DNAH9: variants seen among roughly 807,000 people sequenced by gnomAD.
DNAH9 encodes DNAH9 variant protein.
Under a neutral mutation model 471.6 loss-of-function variants are expected in DNAH9, and 345 were observed. The observed-to-expected ratio is 0.73, with a 90% confidence interval of 0.67 to 0.80. The LOEUF (loss-of-function observed/expected upper bound fraction) is 0.80, where lower values mean the gene tolerates loss of function less well. Among genes scored for constraint, DNAH9 ranks in the 30% least tolerant of loss-of-function variants. The pLI is 0.00. For missense variants in DNAH9, 5,407 were observed against 5,609.2 expected (o/e 0.96, Z 1.15); for synonymous variants, 2,093 against 2,123.6 (o/e 0.99, Z 0.40).
chr17:11,763,745 A>G (rs1261986513), intron 36 of DNAH9, 131 bp downstream of exon 36: 3 of 860,228 alleles, frequency 3.5e-6, no homozygotes, highest in Admixed American at 2.3e-5. Flanking sequence ...CTATTTAGTC[A>G]TCTACCTATT....
At chr17:11,844,475 G>C (rs1270289438) in intron 49 of DNAH9, among the ~76,000 whole-genome samples, 1 of 151,952 alleles carries the variant, frequency 6.6e-6, no homozygotes, top group African/African-American at 2.4e-5. Context: ...GAGCGATCTC[G>C]GCTCACTGCA....
Position 11,929,901 on chromosome 17 carries a change from GGA to G in DNAH9, c.11916_11917del (p.Lys3973GlufsTer7). The G allele has an allele frequency of 6.2e-7, 1 of 1,613,976 alleles. No individual in the cohort carries two copies. Among genetic ancestry groups the G allele is most frequent in the Non-Finnish European group, 8.5e-7 (1 of 1,179,960 alleles). ...HLVAKWLSTL[E>X]KKLEEHSENS... ...TGGTGGCCAAGTGGCTCAGCACCCTGGAGAAGAAGCTGGAGGAGCACAGTGAG... is the reference window on the plus strand; with the variant it reads ...TGGTGGCCAAGTGGCTCAGCACCCTGGAAGAAGCTGGAGGAGCACAGTGAG... On this transcript the variant is annotated frameshift_variant, in exon 63 of 69. Coordinates refer to ENST00000262442, the MANE Select transcript of DNAH9 (RefSeq NM_001372.4). LOFTEE classifies it high-confidence loss of function.
chr17:11,718,560 G>C (rs1394070075), intron 26 of DNAH9, among the ~76,000 whole-genome samples: 1 of 152,208 alleles, frequency 6.6e-6, no homozygotes, highest in Non-Finnish European at 1.5e-5. Context: ...TAAGCTTAAA[G>C]CTGAGTTTAT....
At position 11,656,987 on chromosome 17, in the gene DNAH9, G is replaced by T. The variant is rs368570332; in HGVS notation, c.2595+3985G>T. On this transcript the variant is annotated intron_variant, in intron 14 of 68. Transcript: ENST00000262442. ...AACAGAATTCATCCAGTCCCCTGATGATGGTCTTTGAGTTATTTCTAGTTT... is the reference window on the plus strand; with the variant it reads ...AACAGAATTCATCCAGTCCCCTGATTATGGTCTTTGAGTTATTTCTAGTTT... Among the ~76,000 whole-genome samples the T allele has an allele frequency of 7.2e-4, 110 of 152,142 alleles. No individual in the cohort carries two copies. In the South Asian group the frequency reaches 0.022, roughly 30 times the overall value.
chr17:11,714,317 G>T (rs1362020262), intron 26 of DNAH9, among the ~76,000 whole-genome samples: 1 of 151,980 alleles, frequency 6.6e-6, no homozygotes, highest in Non-Finnish European at 1.5e-5. Context: ...GGATTTTGTT[G>T]GGTCTGTCCC....
At chr17:11,621,145 C>A (rs1437785365) in intron 6 of DNAH9, among the ~76,000 whole-genome samples, 1 of 151,992 alleles carries the variant, frequency 6.6e-6, no homozygotes, top group African/African-American at 2.4e-5. Flanking sequence ...CACGGTGGCT[C>A]TCCCCTGTAA....
intron 6 of DNAH9, among the ~76,000 whole-genome samples, chr17:11,627,395 C>T (rs8078427): frequency 0.41 from 61,985 of 152,024 alleles, 15,437 homozygotes; most frequent in African/African-American, 0.71. Flanking sequence ...CATATCACAA[C>T]GCATCTACCT....
At chr17:11,953,262 C>T (rs1412489830) in intron 67 of DNAH9, among the ~76,000 whole-genome samples, 4 of 152,106 alleles carry the variant, frequency 2.6e-5, no homozygotes, top group East Asian at 1.9e-4. Flanking sequence ...CCTGACTTAC[C>T]GTTGGAGCAT....
At chr17:11,828,090 C>T (rs76429583) in intron 48 of DNAH9, among the ~76,000 whole-genome samples, 9,421 of 152,208 alleles carry the variant, frequency 0.062, 966 homozygotes, top group African/African-American at 0.22. Context: ...ACCTTCATAG[C>T]CACAAGACCC....
intron 67 of DNAH9, among the ~76,000 whole-genome samples, chr17:11,953,016 A>G (rs922777318): frequency 2.6e-5 from 4 of 152,132 alleles, no homozygotes; most frequent in Admixed American, 6.5e-5. Context: ...AGTGGGAGAG[A>G]GACTGAGAGA....
intron 57 of DNAH9, among the ~76,000 whole-genome samples, chr17:11,890,681 G>A (rs776183705): frequency 1.3e-5 from 2 of 151,868 alleles, no homozygotes; most frequent in Admixed American, 6.5e-5. Context: ...TGTTGTTTTT[G>A]TTGTTGTTGT....
At chr17:11,637,865 C>T (rs991618920) in intron 9 of DNAH9, among the ~76,000 whole-genome samples, 3 of 151,754 alleles carry the variant, frequency 2.0e-5, no homozygotes, top group Non-Finnish European at 2.9e-5. Context: ...CAAGATGCAT[C>T]GTGAGTGGGA....
chr17:11,782,185 A>G (rs1353324122), intron 39 of DNAH9, among the ~76,000 whole-genome samples: 2 of 152,280 alleles, frequency 1.3e-5, no homozygotes, highest in East Asian at 3.9e-4. Context: ...ACTGTTTGCA[A>G]TCTCCACACT....
chr17:11,628,308 C>T (rs1169635158), intron 6 of DNAH9, among the ~76,000 whole-genome samples: 1 of 152,192 alleles, frequency 6.6e-6, no homozygotes, highest in Non-Finnish European at 1.5e-5. Context: ...GGAGGGGATC[C>T]TCCCCAAGGC....
At chr17:11,711,938 T>C (rs1398289255) in intron 26 of DNAH9, among the ~76,000 whole-genome samples, 1 of 26,484 alleles carries the variant, frequency 3.8e-5, no homozygotes, top group African/African-American at 1.7e-4. Context: ...ATATATATAT[T>C]TGTATATATA....
At chr17:11,630,094 A>G (rs1597407444) in intron 7 of DNAH9, 1 of 153,462 alleles carries the variant, frequency 6.5e-6, no homozygotes, top group Admixed American at 6.4e-5. Flanking sequence ...TGCATGATAA[A>G]TAATTTCTGG....
At chr17:11,606,757 GAA>G (rs1418888752) in intron 1 of DNAH9, among the ~76,000 whole-genome samples, 2 of 152,100 alleles carry the variant, frequency 1.3e-5, no homozygotes, top group Non-Finnish European at 2.9e-5. Flanking sequence ...AACTAGCTTG[GAA>G]AGTTCAAGAG....
chr17:11,811,418 T>C (rs950625349), intron 45 of DNAH9, among the ~76,000 whole-genome samples: 12 of 152,168 alleles, frequency 7.9e-5, no homozygotes, highest in African/African-American at 2.7e-4. Flanking sequence ...TTGATGTAAG[T>C]TGGGTCTGTC....
intron 41 of DNAH9, among the ~76,000 whole-genome samples, chr17:11,788,617 C>G (rs1363802814): frequency 6.6e-6 from 1 of 151,898 alleles, no homozygotes; most frequent in African/African-American, 2.4e-5. Flanking sequence ...GCCAATATCA[C>G]TTTGTATCTT....
Sources: allele counts gnomAD v4.1 joint callset (sites outside exome capture counted in the v4.1 genomes callset), GRCh38; gene constraint gnomAD v4.1.1; transcripts MANE v1.5; gene names NCBI Gene and HGNC (gene_info 2026-07-23, HGNC 2026-07-21).